The following PSKH1 variants were observed in gnomAD, a reference collection of about 807,000 sequenced individuals.
The protein encoded by PSKH1 is protein serine kinase H1.
Under a neutral mutation model 26.7 loss-of-function variants are expected in PSKH1, and 12 were observed. That is an observed-to-expected ratio of 0.45 (90% CI 0.29 to 0.73). PSKH1 has a LOEUF of 0.73. Ranked by LOEUF, PSKH1 falls within the 30% of genes least tolerant of loss-of-function variation. PSKH1 has a pLI of 0.11. For missense variants in PSKH1, 431 were observed against 595.2 expected (o/e 0.72, Z 2.87); for synonymous variants, 213 against 234.3 (o/e 0.91, Z 0.83).
At chr16:67,916,926 C>T (rs1238907097) in intron 2 of PSKH1, among the ~76,000 whole-genome samples, 1 of 152,138 alleles carries the variant, frequency 6.6e-6, no homozygotes, top group East Asian at 1.9e-4. Context: ...CCAGATCCCC[C>T]AGCCTGAAGC....
rs753481186 is a variant in PSKH1, at chr16:67,909,718, C to T, written c.957+12C>T. 1.9e-6 allele frequency: 3 copies of T among 1,604,426 alleles called. No individual in the cohort carries two copies. The South Asian group carries it at 3.3e-5, about 18-fold the overall frequency. ...GTTACTCTGGGGAGGTGAGTCTGTC[C>T]TGCCCCTGTCCTGGATGTTGGGGAG... On this transcript the variant is annotated intron_variant, in intron 2 of 2. Coordinates refer to ENST00000291041, the MANE Select transcript of PSKH1 (RefSeq NM_006742.3). This position sits in a 1 kb window ranked among gnomAD's most constrained non-coding sequence, Gnocchi z 7.8.
intron 2 of PSKH1, among the ~76,000 whole-genome samples, chr16:67,918,435 A>G (rs939938161): frequency 2.0e-5 from 3 of 151,846 alleles, no homozygotes; most frequent in African/African-American, 7.3e-5. Flanking sequence ...CTGTTGGGAG[A>G]GGAAGCCCAC....
intron 2 of PSKH1, among the ~76,000 whole-genome samples, chr16:67,920,325 G>A (rs904321366): frequency 6.6e-6 from 1 of 152,174 alleles, no homozygotes; most frequent in Non-Finnish European, 1.5e-5. Context: ...GCAGTAGTGT[G>A]ATTATAGTTC....
chr16:67,908,556 A>C, intron 1 of PSKH1, 124 bp from the exon 2 acceptor site: 1 of 539,390 alleles, frequency 1.9e-6, no homozygotes, highest in East Asian at 2.9e-5. Context: ...GGTGTGAGCC[A>C]TCACGCCTGG....
At position 67,925,286 on chromosome 16, in the gene PSKH1, C is replaced by G. The variant is rs148865629; in HGVS notation, c.958-2039C>G. Among the ~76,000 whole-genome samples the G allele has an allele frequency of 1.7e-3, 252 of 152,030 alleles. 2 individuals carry two copies. Among genetic ancestry groups the G allele is most frequent in the African/African-American group, 5.8e-3 (241 of 41,422 alleles). ...TCTTGGCTCACTGCAACCTCCGCCT[C>G]TCAGGTTCAAGCAATTCTCCTGCCT... On this transcript the variant is annotated intron_variant, in intron 2 of 2. Transcript: ENST00000291041.
intron 2 of PSKH1, among the ~76,000 whole-genome samples, chr16:67,923,464 G>A (rs560180336): frequency 6.6e-6 from 1 of 152,300 alleles, no homozygotes; most frequent in Non-Finnish European, 1.5e-5. Context: ...GATTAGAGGT[G>A]TGAGCCACTG....
intron 2 of PSKH1, among the ~76,000 whole-genome samples, chr16:67,915,204 AGAGAGT>A (rs936615577): frequency 7.0e-5 from 10 of 143,780 alleles, no homozygotes; most frequent in Non-Finnish European, 1.0e-4. Flanking sequence ...TGAGAGAGAG[AGAGAGT>A]GTGTGTGTGT....
intron 1 of PSKH1, among the ~76,000 whole-genome samples, chr16:67,893,735 C>T (rs2058118661): frequency 6.6e-6 from 1 of 152,252 alleles, no homozygotes; most frequent in Admixed American, 6.5e-5. Context: ...TTCTCGCGCC[C>T]GGCGCCTACT....
chr16:67,914,165 T>G (rs754116812), intron 2 of PSKH1, among the ~76,000 whole-genome samples: 1 of 152,132 alleles, frequency 6.6e-6, no homozygotes, highest in Non-Finnish European at 1.5e-5. Flanking sequence ...TTTTTTTTTT[T>G]TGAGATGGAG....
At chr16:67,904,951 C>G (rs889624074) in intron 1 of PSKH1, among the ~76,000 whole-genome samples, 1 of 151,842 alleles carries the variant, frequency 6.6e-6, no homozygotes, top group Admixed American at 6.6e-5. Context: ...CTCAGCCTCC[C>G]GAGTAGCTGA....
At chr16:67,926,049 T>C (rs2058215372) in intron 2 of PSKH1, among the ~76,000 whole-genome samples, 3 of 152,026 alleles carry the variant, frequency 2.0e-5, no homozygotes, top group African/African-American at 4.8e-5. Flanking sequence ...AAGGGTACCA[T>C]GGGTGGTGAA....
At chr16:67,901,040 G>C (rs1159691810) in intron 1 of PSKH1, among the ~76,000 whole-genome samples, 1 of 152,136 alleles carries the variant, frequency 6.6e-6, no homozygotes, top group Non-Finnish European at 1.5e-5. Flanking sequence ...TTTAACAGAT[G>C]TGATGGGACT....
Position 67,929,656 on chromosome 16 carries a change from G to T in PSKH1, c.*2014G>T. ...TCAGTAAACAGGCTGCCTCTCCAGGGAGGGCTGCCATTCATTCCAACAGTT... is the reference window on the plus strand; with the variant it reads ...TCAGTAAACAGGCTGCCTCTCCAGGTAGGGCTGCCATTCATTCCAACAGTT... On this transcript the variant is annotated 3_prime_UTR_variant, in exon 3 of 3. Transcript: ENST00000291041. 1 of 485,278 alleles carries T rather than the reference G, an allele frequency of 2.1e-6. No individual in the cohort carries two copies. Among genetic ancestry groups the T allele is most frequent in the Admixed American group, 3.3e-5 (1 of 29,966 alleles). The allele number at this position is 485,278 out of a possible 1,614,324, so 30.1% of individuals were successfully genotyped here.
intron 1 of PSKH1, among the ~76,000 whole-genome samples, chr16:67,902,504 G>C (rs942696010): frequency 2.0e-5 from 3 of 151,910 alleles, no homozygotes; most frequent in Non-Finnish European, 2.9e-5. Flanking sequence ...ACCCATGTTG[G>C]TCAGGCTGGT....
At chr16:67,905,285 A>G (rs1166684358) in intron 1 of PSKH1, among the ~76,000 whole-genome samples, 2 of 151,776 alleles carry the variant, frequency 1.3e-5, no homozygotes, top group African/African-American at 2.4e-5. Flanking sequence ...CTCCATAACC[A>G]CCTTCTGCTG....
At chr16:67,920,725 C>T (rs187258347) in intron 2 of PSKH1, among the ~76,000 whole-genome samples, 1 of 152,378 alleles carries the variant, frequency 6.6e-6, no homozygotes, top group East Asian at 1.9e-4. Flanking sequence ...GTCCTCCCAT[C>T]ACACAAGGTT....
At chr16:67,913,613 T>G (rs1454144511) in intron 2 of PSKH1, among the ~76,000 whole-genome samples, 6 of 152,122 alleles carry the variant, frequency 3.9e-5, no homozygotes, top group Admixed American at 6.6e-5. Flanking sequence ...AAGGAGTGAT[T>G]GCTGGGTCCC....
At chr16:67,899,010 C>T (rs1257157072) in intron 1 of PSKH1, among the ~76,000 whole-genome samples, 1 of 152,130 alleles carries the variant, frequency 6.6e-6, no homozygotes, top group Non-Finnish European at 1.5e-5. Context: ...GGCAAGGTTC[C>T]TATGGTTCCT....
chr16:67,898,509 C>A (rs2058132765), intron 1 of PSKH1, among the ~76,000 whole-genome samples: 1 of 152,128 alleles, frequency 6.6e-6, no homozygotes, highest in Admixed American at 6.5e-5. Flanking sequence ...GCCCTGGCCC[C>A]CAGAGTGTTG....
Sources: allele counts gnomAD v4.1 joint callset (sites outside exome capture counted in the v4.1 genomes callset), GRCh38; gene constraint gnomAD v4.1.1; non-coding constraint Gnocchi (gnomAD v3.1); transcripts MANE v1.5; gene names NCBI Gene and HGNC (gene_info 2026-07-23, HGNC 2026-07-21).